PIWIL1: variants seen among roughly 807,000 people sequenced by gnomAD.
The protein encoded by PIWIL1 is piwi-like protein 1.
Under a neutral mutation model 114.4 loss-of-function variants are expected in PIWIL1, and 73 were observed. That is an observed-to-expected ratio of 0.64 (90% CI 0.53 to 0.78). The LOEUF is 0.78. PIWIL1 is among the 30% of genes least tolerant of loss of function. PIWIL1 has a pLI of 0.00. For synonymous variants in PIWIL1, 375 were observed against 369.0 expected (o/e 1.02, Z -0.19); for missense variants, 723 against 1,063.1 (o/e 0.68, Z 4.45).
At chr12:130,350,483 TA>T (rs1447886435) in intron 9 of PIWIL1, among the ~76,000 whole-genome samples, 1 of 152,194 alleles carries the variant, frequency 6.6e-6, no homozygotes, top group Non-Finnish European at 1.5e-5. Flanking sequence ...GGCGATCATC[TA>T]AAACAGTTTT....
Position 130,356,916 on chromosome 12 carries a change from A to G in PIWIL1, c.1405-2A>G, listed in dbSNP as rs2073378681. 19 of 1,602,118 alleles carry G rather than the reference A, an allele frequency of 1.2e-5. No individual in the cohort carries two copies. Among genetic ancestry groups the G allele is most frequent in the Non-Finnish European group, 1.5e-5 (17 of 1,171,994 alleles). On this transcript the variant is annotated splice_acceptor_variant, in intron 12 of 20. Transcript: ENST00000245255. LOFTEE classifies it high-confidence loss of function. ...TTACAGTGTGTCTGAACTCTCTTCT[A>G]GTTTGATTACAATCCACAATTTGCA...
At chr12:130,399,779 G>A in the PIWIL1 span, 1 of 1,614,192 alleles carries the variant, frequency 6.2e-7, no homozygotes, top group Non-Finnish European at 8.5e-7. Flanking sequence ...CAAGAAGTTT[G>A]AGGGCACAAG....
At chr12:130,410,090 G>A in the PIWIL1 span, among the ~76,000 whole-genome samples, 1 of 152,252 alleles carries the variant, frequency 6.6e-6, no homozygotes. Flanking sequence ...CATTCTCAGT[G>A]TGTGTGCATT....
chr12:130,346,652 C>A, intron 5 of PIWIL1, 68 bp downstream of exon 5: 2 of 1,324,164 alleles, frequency 1.5e-6, no homozygotes, highest in Non-Finnish European at 1.1e-6. Context: ...TAAGATAGCT[C>A]ACATGGCTTT....
At chr12:130,424,594 C>T in the PIWIL1 span, 3 of 1,231,812 alleles carry the variant, frequency 2.4e-6, no homozygotes, top group Admixed American at 4.2e-5. This position sits in a 1 kb window ranked among gnomAD's most constrained non-coding sequence, Gnocchi z 9.8. Flanking sequence ...TGGGGGACGG[C>T]CCCCGAGCCC....
intron 4 of PIWIL1, 97 bp from the exon 5 acceptor site, chr12:130,346,273 G>C (rs2073065732): frequency 1.2e-6 from 1 of 854,804 alleles, no homozygotes; most frequent in Non-Finnish European, 1.9e-6. Flanking sequence ...TCTTAGCCTT[G>C]TGTTTACGGA....
intron 3 of PIWIL1, among the ~76,000 whole-genome samples, chr12:130,345,047 G>C (rs908244839): frequency 3.3e-5 from 5 of 152,130 alleles, no homozygotes; most frequent in Admixed American, 2.0e-4. Flanking sequence ...GTTCATATTT[G>C]TTTTTTGGCT....
chr12:130,375,809 T>C (rs968065661), downstream of PIWIL1, among the ~76,000 whole-genome samples: 14 of 152,122 alleles, frequency 9.2e-5, no homozygotes, highest in Admixed American at 7.9e-4. Context: ...CATCCTCTCT[T>C]GAATCCAGTG....
intron 18 of PIWIL1, among the ~76,000 whole-genome samples, chr12:130,365,874 C>T (rs1320212344): frequency 6.6e-6 from 1 of 152,204 alleles, no homozygotes; most frequent in African/African-American, 2.4e-5. Context: ...ACATTTTCAA[C>T]ACGTTCATTG....
intron 7 of PIWIL1, among the ~76,000 whole-genome samples, 183 bp downstream of exon 7, chr12:130,348,366 G>C (rs567834600): frequency 2.2e-4 from 34 of 152,316 alleles, no homozygotes; most frequent in Non-Finnish European, 4.1e-4. Flanking sequence ...AAAAAATCAC[G>C]TAATTTACCT....
chr12:130,356,970 CATTA>C lies in PIWIL1; in HGVS notation c.1462_1465del (p.Ile488ValfsTer5). 1 of 1,612,910 alleles carries C rather than the reference CATTA, an allele frequency of 6.2e-7. No homozygotes were observed. On this transcript the variant is annotated frameshift_variant, in exon 13 of 21. Transcript: ENST00000245255. LOFTEE classifies it high-confidence loss of function. The stretch of plus-strand genomic sequence containing the variant: ...TGGTCCAAAGAAACAAGAGGTGCAC[CATTA>C]ATTAGTGTTAAGCCACTAGATAACT...
the PIWIL1 span, among the ~76,000 whole-genome samples, chr12:130,416,166 T>C: frequency 7.2e-5 from 11 of 152,234 alleles, no homozygotes; most frequent in African/African-American, 2.4e-4. Context: ...AACCTACAGA[T>C]TCAATGCTAT....
At chr12:130,413,807 GCTGA>G in the PIWIL1 span, among the ~76,000 whole-genome samples, 1 of 151,802 alleles carries the variant, frequency 6.6e-6, no homozygotes, top group Non-Finnish European at 1.5e-5. Flanking sequence ...CTGCCTGTCT[GCTGA>G]CTGACAAGTG....
the PIWIL1 span, chr12:130,383,391 G>C: frequency 6.6e-6 from 1 of 152,194 alleles, no homozygotes; most frequent in Non-Finnish European, 1.5e-5. Flanking sequence ...CAGCAAACCA[G>C]AGCCCCCACT....
chr12:130,397,398 C>T, the PIWIL1 span: 1 of 398,996 alleles, frequency 2.5e-6, no homozygotes. Flanking sequence ...CAGTTTCTTG[C>T]CTTTGGAAAG....
chr12:130,356,044 C>T (rs1033869850), intron 12 of PIWIL1, among the ~76,000 whole-genome samples: 7 of 150,562 alleles, frequency 4.6e-5, no homozygotes, highest in Non-Finnish European at 7.4e-5. Context: ...AAAAGTGGTT[C>T]GATTTTTTTT....
At chr12:130,376,886 T>C (rs2073870864), downstream of PIWIL1, among the ~76,000 whole-genome samples, 1 of 152,196 alleles carries the variant, frequency 6.6e-6, no homozygotes, top group Non-Finnish European at 1.5e-5. Flanking sequence ...TGTTGTGTCA[T>C]CCCAGCTGCT....
rs115212461 is a variant in PIWIL1, at chr12:130,340,039, G to C, written c.-13+1893G>C. On this transcript the variant is annotated intron_variant, in intron 1 of 20. Transcript: ENST00000245255. ...TCGCAGCCTAGTTGGAGAAGCTATG[G>C]AGTGCAGAGATGTGGGGAGGGAGAA... Among the ~76,000 whole-genome samples, 1,235 of 152,302 alleles carry C rather than the reference G, an allele frequency of 8.1e-3. 16 individuals carry two copies. Among genetic ancestry groups the C allele is most frequent in the African/African-American group, 0.029 (1,188 of 41,568 alleles).
chr12:130,397,337 G>C, the PIWIL1 span: 2 of 398,714 alleles, frequency 5.0e-6, no homozygotes, highest in African/African-American at 4.1e-5. Context: ...ACATAGATTT[G>C]GCAGTTGTCC....
Sources: allele counts gnomAD v4.1 joint callset (sites outside exome capture counted in the v4.1 genomes callset), GRCh38; gene constraint gnomAD v4.1.1; non-coding constraint Gnocchi (gnomAD v3.1); transcripts MANE v1.5; gene names NCBI Gene and HGNC (gene_info 2026-07-23, HGNC 2026-07-21).